SPTA1: variants seen among roughly 807,000 people sequenced by gnomAD.
The protein encoded by SPTA1 is spectrin alpha chain, erythrocytic 1.
Under a neutral mutation model 324.7 loss-of-function variants are expected in SPTA1, and 177 were observed. The ratio of observed to expected loss-of-function variants is 0.55; its 90% CI spans 0.48 to 0.62. SPTA1 has a LOEUF of 0.62. Among genes scored for constraint, SPTA1 ranks in the 20% least tolerant of loss-of-function variants. The pLI, the probability that SPTA1 is intolerant of heterozygous loss-of-function variation, is 0.00. For synonymous variants in SPTA1, 1,195 were observed against 1,041.3 expected (o/e 1.15, Z -2.84); for missense variants, 3,162 against 2,883.6 (o/e 1.10, Z -2.21).
intron 40 of SPTA1, among the ~76,000 whole-genome samples, 167 bp downstream of exon 40, chr1:158,627,458 A>T (rs911240774): frequency 1.3e-5 from 2 of 152,222 alleles, no homozygotes; most frequent in African/African-American, 4.8e-5. Flanking sequence ...TTGAGTAGAT[A>T]ATTATTTGCT....
intron 15 of SPTA1, among the ~76,000 whole-genome samples, chr1:158,667,208 G>T (rs1173724541): frequency 6.6e-6 from 1 of 152,116 alleles, no homozygotes; most frequent in African/African-American, 2.4e-5. Flanking sequence ...TCAAGGAAAA[G>T]TTATGTTTAT....
At chr1:158,657,802 T>C in intron 18 of SPTA1, 108 bp from the exon 19 acceptor site, 1 of 1,153,398 alleles carries the variant, frequency 8.7e-7, no homozygotes, top group Non-Finnish European at 1.3e-6. Context: ...AAATGGTATG[T>C]TATTTAGTCG....
At chr1:158,617,994 T>C (rs857717) in intron 46 of SPTA1, 45 bp downstream of exon 46, 3 of 1,570,186 alleles carry the variant, frequency 1.9e-6, no homozygotes, top group Non-Finnish European at 2.6e-6. Context: ...AATTCTTCCA[T>C]AATAATATAA....
Position 158,652,286 on chromosome 1 carries a change from T to C in SPTA1, c.3375+181A>G, listed in dbSNP as rs1044495715. Among the ~76,000 whole-genome samples, 3 of 152,196 alleles carry C rather than the reference T, an allele frequency of 2.0e-5. No individual in the cohort carries two copies. In the East Asian group the frequency reaches 5.8e-4, roughly 29 times the overall value. On this transcript the variant is annotated intron_variant, in intron 23 of 51. Coordinates refer to ENST00000643759, the MANE Select transcript of SPTA1 (RefSeq NM_003126.4). ...TGCAGTTAGGGTAACTAGTTTTCTCTGCATTTCCCTTCCAATTATTAGCAA... is the reference window on the plus strand; with the variant it reads ...TGCAGTTAGGGTAACTAGTTTTCTCCGCATTTCCCTTCCAATTATTAGCAA...
intron 20 of SPTA1, among the ~76,000 whole-genome samples, chr1:158,656,105 A>G (rs569768563): frequency 1.3e-5 from 2 of 152,310 alleles, no homozygotes; most frequent in South Asian, 4.1e-4. Flanking sequence ...TACATCTATT[A>G]TATGCACTTA....
chr1:158,686,575 GAA>G lies in SPTA1; in HGVS notation c.-60_-59del. ...AATGTGTCAGAGAGAGAGAGAGAGA[GAA>G]ATAATTCAAATGGAACTGTCCAGTC... On this transcript the variant is annotated 5_prime_UTR_variant, in exon 1 of 52. An upstream open reading frame in the 5' UTR gains an earlier in-frame stop. Transcript: ENST00000643759. 7.2e-7 allele frequency: 1 copy of G among 1,385,236 alleles called. No homozygotes were observed. The highest frequency in any genetic ancestry group is 1.0e-6 in the Non-Finnish European group (1 of 974,288). The allele number at this position is 1,385,236 out of a possible 1,614,324, so 85.8% of individuals were successfully genotyped here.
chr1:158,635,818 G>A lies in SPTA1; in HGVS notation c.5432+95C>T. 2.5e-6 allele frequency: 4 copies of A among 1,575,530 alleles called. No individual in the cohort carries two copies. The East Asian group carries it at 6.7e-5, about 26-fold the overall frequency. On this transcript the variant is annotated intron_variant, in intron 38 of 51. Coordinates refer to ENST00000643759, the MANE Select transcript of SPTA1 (RefSeq NM_003126.4). ...GGAGATAGATAGGTAGTTGGGGATAGCAGACAATGCTGAGCAGGCACTTAA... is the reference window on the plus strand; with the variant it reads ...GGAGATAGATAGGTAGTTGGGGATAACAGACAATGCTGAGCAGGCACTTAA...
In SPTA1 at chr1:158,620,204, T is replaced by C; in HGVS notation, c.6383A>G (p.Glu2128Gly). 1.2e-6 allele frequency: 2 copies of C among 1,614,138 alleles called. No individual in the cohort carries two copies. The highest frequency in any genetic ancestry group is 2.2e-5 in the South Asian group (2 of 91,080). ...PYTWLTVEVLERTWKHLSDII... is the reference protein window; with the variant it reads ...PYTWLTVEVLGRTWKHLSDII... ...GTCAGATAGGTGCTTCCAGGTCCTT[T>C]CCAGCACCTCCACTGTTAACCAGGT... is the stretch of plus-strand genomic sequence containing the variant. The change falls in exon 44 of 52, where the codon GAA becomes GGA. Residue 2128 changes from glutamate (E) to glycine (G), a missense_variant. Transcript: ENST00000643759.
chr1:158,649,960 A>G lies in SPTA1; in HGVS notation c.3478-13T>C, dbSNP rs1571450019. On this transcript the variant is annotated splice_polypyrimidine_tract_variant and intron_variant, in intron 24 of 51. Coordinates refer to ENST00000643759, the MANE Select transcript of SPTA1 (RefSeq NM_003126.4). ...GGGAATTCAATTCCTAAAAGAGGCA[A>G]AAACATCAGACTTGAGACAGAGAAC... 2 of 1,588,252 alleles carry G rather than the reference A, an allele frequency of 1.3e-6. No homozygotes were observed. Among genetic ancestry groups the G allele is most frequent in the Non-Finnish European group, 1.7e-6 (2 of 1,157,826 alleles).
intron 42 of SPTA1, 80 bp downstream of exon 42, chr1:158,626,066 A>C: frequency 7.4e-7 from 1 of 1,349,530 alleles, no homozygotes; most frequent in African/African-American, 1.4e-5. Context: ...AAAATCCCAA[A>C]ATTCAGAAAT....
intron 31 of SPTA1, 77 bp downstream of exon 31, chr1:158,643,245 C>T (rs1367658834): frequency 1.3e-5 from 19 of 1,506,148 alleles, no homozygotes; most frequent in Non-Finnish European, 1.7e-5. Context: ...CCAGAGTATT[C>T]CCCCATCTCA....
rs777145325 is a variant in SPTA1, at chr1:158,681,647, G to A, written c.411C>T (p.Arg137=). The A allele has an allele frequency of 6.2e-7, 1 of 1,613,660 alleles. No individual in the cohort carries two copies. The highest frequency in any genetic ancestry group is 8.5e-7 in the Non-Finnish European group (1 of 1,179,758). Residue 137 remains arginine (R), a synonymous_variant, in exon 4 of 52, where the codon CGC becomes CGT. Coordinates refer to ENST00000643759, the MANE Select transcript of SPTA1 (RefSeq NM_003126.4). ...EETKAHIEEL[R]HLWDLLLELT... is the part of the protein sequence containing the mutation. ...GCTCTAACAGCAGGTCCCACAGGTG[G>A]CGTAGCTCCTCTATATGGGCCTTTA...
At chr1:158,671,750 A>T (rs1043872526) in intron 11 of SPTA1, among the ~76,000 whole-genome samples, 2 of 152,132 alleles carry the variant, frequency 1.3e-5, no homozygotes, top group Non-Finnish European at 1.5e-5. Flanking sequence ...CTCCACTCTG[A>T]TGTACCCTGC....
intron 40 of SPTA1, among the ~76,000 whole-genome samples, chr1:158,627,334 G>A (rs982809046): frequency 7.9e-5 from 12 of 152,174 alleles, no homozygotes; most frequent in African/African-American, 2.9e-4. Context: ...GCCAAAGCTA[G>A]TGATAAGACT....
At chr1:158,669,882 A>G (rs1653887956) in intron 12 of SPTA1, 96 bp from the exon 13 acceptor site, 1 of 1,205,540 alleles carries the variant, frequency 8.3e-7, no homozygotes, top group Non-Finnish European at 1.2e-6. Context: ...AAGAACAGCA[A>G]TGTGGGAGGA....
At chr1:158,677,451 A>G (rs1654463341) in intron 7 of SPTA1, among the ~76,000 whole-genome samples, 2 of 152,196 alleles carry the variant, frequency 1.3e-5, no homozygotes, top group African/African-American at 4.8e-5. Flanking sequence ...AAAACACAAG[A>G]GAATATAAAA....
At chr1:158,617,268 C>A (rs1649613631) in intron 47 of SPTA1, among the ~76,000 whole-genome samples, 1 of 152,200 alleles carries the variant, frequency 6.6e-6, no homozygotes, top group African/African-American at 2.4e-5. Context: ...CTCTCCCACT[C>A]TGGGCAGATC....
At chr1:158,619,702 T>A (rs1270016798) in intron 44 of SPTA1, among the ~76,000 whole-genome samples, 13 of 152,192 alleles carry the variant, frequency 8.5e-5, no homozygotes, top group Non-Finnish European at 1.8e-4. Context: ...TATCTAAAAA[T>A]GGTGATATTG....
intron 37 of SPTA1, 116 bp from the exon 38 acceptor site, chr1:158,636,150 G>T: frequency 6.4e-7 from 1 of 1,566,372 alleles, no homozygotes; most frequent in Non-Finnish European, 8.8e-7. Flanking sequence ...TAAACTCCAC[G>T]GGACTTTGTG....
Sources: allele counts gnomAD v4.1 joint callset (sites outside exome capture counted in the v4.1 genomes callset), GRCh38; gene constraint gnomAD v4.1.1; transcripts MANE v1.5; gene names NCBI Gene and HGNC (gene_info 2026-07-23, HGNC 2026-07-21).